Variants in AFG1L observed in about 807,000 individuals in gnomAD.
The protein encoded by AFG1L is AFG1 like ATPase, also known as AFG1-like ATPase.
AFG1L carries 53 observed loss-of-function variants against 62.2 expected under a neutral mutation model. The observed-to-expected ratio is 0.85, with a 90% CI of 0.68 to 1.07. The LOEUF (loss-of-function observed/expected upper bound fraction) is 1.07. Among genes scored for constraint, AFG1L ranks in the 50% least tolerant of loss-of-function variants. The pLI, the probability that AFG1L is intolerant of heterozygous loss-of-function variation, is 0.00. For synonymous variants in AFG1L, 228 were observed against 210.3 expected, an observed-to-expected ratio of 1.08 and a Z score of -0.73; for missense variants, 555 against 590.5, an observed-to-expected ratio of 0.94 and a Z score of 0.62.
intron 3 of AFG1L, among the ~76,000 whole-genome samples, chr6:108,348,065 GTTTTGTTTTTGT>G (rs368344668): frequency 2.4e-4 from 37 of 151,836 alleles, no homozygotes; most frequent in South Asian, 4.2e-4. Flanking sequence ...AGTAGGTTTT[GTTTTGTTTTTGT>G]TTTTGTTTTT....
chr6:108,485,407 C>T (rs959376307), intron 10 of AFG1L, among the ~76,000 whole-genome samples: 1 of 151,010 alleles, frequency 6.6e-6, no homozygotes, highest in African/African-American at 2.4e-5. Context: ...AGTAAGTGTG[C>T]CAAAAACTGT....
At chr6:108,392,744 T>C (rs1036863539) in intron 6 of AFG1L, among the ~76,000 whole-genome samples, 1 of 152,104 alleles carries the variant, frequency 6.6e-6, no homozygotes, top group Non-Finnish European at 1.5e-5. Context: ...AAGAATCTCC[T>C]AGAAGGATAA....
At chr6:108,427,248 T>C (rs1433670429) in intron 7 of AFG1L, among the ~76,000 whole-genome samples, 1 of 151,980 alleles carries the variant, frequency 6.6e-6, no homozygotes, top group Non-Finnish European at 1.5e-5. Flanking sequence ...GACTACACAC[T>C]TGGCTAACTT....
At chr6:108,400,195 G>C (rs1781507274) in intron 6 of AFG1L, among the ~76,000 whole-genome samples, 1 of 152,010 alleles carries the variant, frequency 6.6e-6, no homozygotes, top group Non-Finnish European at 1.5e-5. Flanking sequence ...TTTCTCATGT[G>C]ATTGCTTTAG....
At chr6:108,370,371 A>G (rs1255382692) in intron 6 of AFG1L, among the ~76,000 whole-genome samples, 2 of 152,112 alleles carry the variant, frequency 1.3e-5, no homozygotes, top group African/African-American at 4.8e-5. Context: ...AGAAATGATG[A>G]TACCTTGGTA....
intron 7 of AFG1L, among the ~76,000 whole-genome samples, chr6:108,406,406 TTGAG>T (rs1190568063): frequency 6.6e-6 from 1 of 152,024 alleles, no homozygotes; most frequent in Non-Finnish European, 1.5e-5. Flanking sequence ...ATTAATGATA[TTGAG>T]TAACTTTTCA....
In AFG1L at chr6:108,449,993, G is replaced by T. The variant is rs924463582; in HGVS notation, c.890+2697G>T. 2.6e-5 allele frequency among the ~76,000 whole-genome samples: 4 copies of T among 152,110 alleles called. No individual in the cohort carries two copies. The South Asian group carries it at 8.3e-4, about 32-fold the overall frequency. Reference sequence around the variant, plus strand: ...ACATGTGCCACATTTTCTTAATCCAGTCTATCATTGTTGGACATTTGGGTT... The same window carrying T: ...ACATGTGCCACATTTTCTTAATCCATTCTATCATTGTTGGACATTTGGGTT... On this transcript the variant is annotated intron_variant, in intron 8 of 12. Coordinates refer to ENST00000368977, the MANE Select transcript of AFG1L (RefSeq NM_145315.5).
chr6:108,505,846 G>T (rs1032531147), intron 10 of AFG1L, among the ~76,000 whole-genome samples: 1 of 152,154 alleles, frequency 6.6e-6, no homozygotes, highest in Admixed American at 6.5e-5. Flanking sequence ...AGAGTATGAC[G>T]TTTAACCTAG....
intron 1 of AFG1L, among the ~76,000 whole-genome samples, chr6:108,303,602 A>G (rs748838193): frequency 1.3e-5 from 2 of 151,942 alleles, no homozygotes; most frequent in Admixed American, 6.6e-5. Context: ...TCTTCTCTTC[A>G]TTGCTCCCAT....
At chr6:108,308,138 G>A (rs2114832650) in intron 1 of AFG1L, among the ~76,000 whole-genome samples, 1 of 152,034 alleles carries the variant, frequency 6.6e-6, no homozygotes, top group East Asian at 1.9e-4. Flanking sequence ...GTGGTATAAG[G>A]CTAGCTTTTT....
chr6:108,507,656 T>C (rs1318931432), intron 10 of AFG1L, among the ~76,000 whole-genome samples: 2 of 152,208 alleles, frequency 1.3e-5, no homozygotes, highest in African/African-American at 4.8e-5. Flanking sequence ...ACTACATACA[T>C]AATATGAGGT....
At chr6:108,400,984 T>G (rs186118933) in intron 6 of AFG1L, among the ~76,000 whole-genome samples, 232 of 150,076 alleles carry the variant, frequency 1.5e-3, no homozygotes, top group African/African-American at 4.7e-3. Flanking sequence ...TTTTTCTTTT[T>G]TTTTGAGACA....
chr6:108,439,713 T>C (rs1366224390), intron 7 of AFG1L, among the ~76,000 whole-genome samples: 1 of 152,224 alleles, frequency 6.6e-6, no homozygotes, highest in Admixed American at 6.5e-5. Flanking sequence ...ATACTTAAAT[T>C]ATAAAAAGCT....
intron 1 of AFG1L, among the ~76,000 whole-genome samples, chr6:108,298,694 C>G (rs1318132279): frequency 6.6e-6 from 1 of 152,092 alleles, no homozygotes; most frequent in Non-Finnish European, 1.5e-5. Context: ...GAGTCTCTTA[C>G]AGTATGTTAA....
intron 7 of AFG1L, among the ~76,000 whole-genome samples, chr6:108,419,929 C>A (rs73763121): frequency 2.4e-4 from 37 of 152,184 alleles, no homozygotes; most frequent in African/African-American, 8.4e-4. Context: ...CTTTGTCCAG[C>A]CATCTGCATT....
At chr6:108,476,779 G>A in intron 8 of AFG1L, 86 bp from the exon 9 acceptor site, 1 of 891,648 alleles carries the variant, frequency 1.1e-6, no homozygotes, top group Middle Eastern at 2.2e-4. Flanking sequence ...TTTTTTATGG[G>A]CAAAAAGCTA....
intron 8 of AFG1L, among the ~76,000 whole-genome samples, chr6:108,465,317 C>T (rs1038405782): frequency 1.3e-5 from 2 of 152,182 alleles, no homozygotes; most frequent in African/African-American, 4.8e-5. Flanking sequence ...CTGTTGACTA[C>T]CAGATGTCTC....
chr6:108,413,648 A>G (rs1019089363), intron 7 of AFG1L, among the ~76,000 whole-genome samples: 1 of 152,380 alleles, frequency 6.6e-6, no homozygotes, highest in African/African-American at 2.4e-5. Flanking sequence ...GAAACTGAAC[A>G]ACCTGCTCCT....
intron 3 of AFG1L, among the ~76,000 whole-genome samples, chr6:108,349,025 T>C (rs902755495): frequency 6.6e-6 from 1 of 152,076 alleles, no homozygotes; most frequent in African/African-American, 2.4e-5. Flanking sequence ...TTGAAAGCAA[T>C]AGAAAAGATG....
Sources: gnomAD v4.1 joint callset for allele counts (sites outside exome capture counted in the v4.1 genomes callset) on GRCh38, gnomAD v4.1.1 for gene constraint, MANE v1.5 for transcripts, NCBI Gene and HGNC (gene_info 2026-07-23, HGNC 2026-07-21) for gene names.